Variants in RBPMS observed in about 807,000 individuals in gnomAD.
RBPMS encodes RNA-binding protein with multiple splicing.
A neutral mutation model predicts 26.8 loss-of-function variants in RBPMS; 7 were observed. The observed-to-expected ratio is 0.26, with a 90% CI of 0.15 to 0.49. The LOEUF (loss-of-function observed/expected upper bound fraction) is 0.49. RBPMS is among the 20% of genes least tolerant of loss of function. The pLI is 0.98. For missense variants in RBPMS, 186 were observed against 250.0 expected (o/e 0.74, Z 1.73); for synonymous variants, 96 against 93.3 (o/e 1.03, Z -0.17).
chr8:30,496,593 A>G (rs564256875), intron 4 of RBPMS, among the ~76,000 whole-genome samples: 3 of 152,320 alleles, frequency 2.0e-5, no homozygotes, highest in African/African-American at 7.2e-5. Context: ...TTCATGATTT[A>G]TGTTGACAAA....
Position 30,513,046 on chromosome 8 carries a change from C to T in RBPMS, c.397+8610C>T, listed in dbSNP as rs180763392. 2.5e-3 allele frequency among the ~76,000 whole-genome samples: 375 copies of T among 151,446 alleles called. 1 individual carries two copies. The highest frequency in any genetic ancestry group is 4.3e-3 in the Admixed American group (65 of 15,230). ...GGGAAGAGGTGGTAGTGAGGGCACA[C>T]GTCATTATTTCACCCCTTTTTCTTG... On this transcript the variant is annotated intron_variant, in intron 5 of 8. Transcript: ENST00000397323.
At chr8:30,516,328 T>C (rs1264865447) in intron 5 of RBPMS, among the ~76,000 whole-genome samples, 1 of 152,106 alleles carries the variant, frequency 6.6e-6, no homozygotes, top group Non-Finnish European at 1.5e-5. Flanking sequence ...GAGGTTGCAG[T>C]GAGCTGAGAT....
intron 5 of RBPMS, among the ~76,000 whole-genome samples, chr8:30,538,545 C>G: frequency 6.6e-6 from 1 of 152,160 alleles, no homozygotes; most frequent in Non-Finnish European, 1.5e-5. Flanking sequence ...CATGAGGCAC[C>G]GCGCCCGGCA....
At chr8:30,442,707 C>A (rs894968681) in intron 1 of RBPMS, 2 of 152,132 alleles carry the variant, frequency 1.3e-5, no homozygotes, top group East Asian at 3.9e-4. Context: ...CTTCTGGTTG[C>A]GCGGCCCACA....
chr8:30,457,583 CTTTTTTTTTTTT>C (rs77253053), intron 1 of RBPMS, among the ~76,000 whole-genome samples: 3 of 132,874 alleles, frequency 2.3e-5, no homozygotes, highest in East Asian at 4.6e-4. Context: ...GATTTACATT[CTTTTTTTTTTTT>C]TTTTTTTTTT....
At chr8:30,412,779 A>G (rs1442896119) in intron 1 of RBPMS, among the ~76,000 whole-genome samples, 2 of 152,206 alleles carry the variant, frequency 1.3e-5, no homozygotes, top group African/African-American at 2.4e-5. Context: ...CATATTCAAT[A>G]GAGAGGTCTA....
chr8:30,505,862 A>G (rs1384997619), intron 5 of RBPMS, among the ~76,000 whole-genome samples: 2 of 152,232 alleles, frequency 1.3e-5, no homozygotes, highest in African/African-American at 4.8e-5. Flanking sequence ...CAAGGCATCA[A>G]AAAAGAGTAT....
chr8:30,557,570 C>T (rs538264160), intron 6 of RBPMS, among the ~76,000 whole-genome samples: 1 of 152,222 alleles, frequency 6.6e-6, no homozygotes, highest in Non-Finnish European at 1.5e-5. Flanking sequence ...CCCAGACCCC[C>T]CTGCACCTCC....
intron 4 of RBPMS, among the ~76,000 whole-genome samples, chr8:30,487,557 GA>G (rs141495352): frequency 0.23 from 35,614 of 151,890 alleles, 4,631 homozygotes; most frequent in East Asian, 0.41. Flanking sequence ...GCTTTTTATA[GA>G]CATTTAATAA....
chr8:30,499,442 G>T (rs1820325192), intron 4 of RBPMS, among the ~76,000 whole-genome samples: 1 of 152,044 alleles, frequency 6.6e-6, no homozygotes, highest in East Asian at 1.9e-4. Context: ...CTTAAAAAGG[G>T]AAAACAGCAT....
chr8:30,525,804 C>T (rs989583009), intron 5 of RBPMS, among the ~76,000 whole-genome samples: 1 of 152,200 alleles, frequency 6.6e-6, no homozygotes. Flanking sequence ...GTAGAGCTCT[C>T]TGCAGGTTGC....
chr8:30,549,889 C>T (rs1278747084), intron 6 of RBPMS, among the ~76,000 whole-genome samples: 30 of 149,818 alleles, frequency 2.0e-4, no homozygotes, highest in Non-Finnish European at 2.2e-4. Context: ...CTCGCTCTGT[C>T]GCCCAGGCTG....
intron 6 of RBPMS, chr8:30,556,371 C>G: frequency 1.0e-6 from 1 of 985,628 alleles, no homozygotes; most frequent in South Asian, 4.7e-5. Flanking sequence ...CCTGCAGGCA[C>G]CTGTGCGAGT....
chr8:30,516,278 A>C (rs913075236), intron 5 of RBPMS, among the ~76,000 whole-genome samples: 3 of 152,178 alleles, frequency 2.0e-5, no homozygotes, highest in African/African-American at 7.2e-5. Context: ...CCAGCTCCTC[A>C]GGAAGCTGAG....
At chr8:30,525,094 A>G (rs78433617) in intron 5 of RBPMS, among the ~76,000 whole-genome samples, 1 of 152,180 alleles carries the variant, frequency 6.6e-6, no homozygotes, top group Non-Finnish European at 1.5e-5. Flanking sequence ...TAAAATAGCA[A>G]TTTAACTTGA....
At chr8:30,452,045 G>C (rs1323557107) in intron 1 of RBPMS, among the ~76,000 whole-genome samples, 1 of 152,176 alleles carries the variant, frequency 6.6e-6, no homozygotes, top group Non-Finnish European at 1.5e-5. Context: ...TCTGTCAAGT[G>C]CTTTGTCCTC....
chr8:30,556,885 C>G (rs975299611), intron 6 of RBPMS: 22 of 451,474 alleles, frequency 4.9e-5, no homozygotes, highest in Non-Finnish European at 6.4e-5. Context: ...CCTACCTCAC[C>G]CCCATCTTCC....
chr8:30,476,667 C>T (rs940116429), intron 2 of RBPMS, among the ~76,000 whole-genome samples: 8 of 152,148 alleles, frequency 5.3e-5, no homozygotes, highest in African/African-American at 1.9e-4. Flanking sequence ...AATTAAAGTC[C>T]CTGGAGGCTG....
chr8:30,476,990 C>T (rs139404080), intron 2 of RBPMS, among the ~76,000 whole-genome samples: 1 of 152,266 alleles, frequency 6.6e-6, no homozygotes, highest in African/African-American at 2.4e-5. Context: ...AGTAACTCAA[C>T]AAAATTCAAC....
Sources: allele counts gnomAD v4.1 joint callset (sites outside exome capture counted in the v4.1 genomes callset), GRCh38; gene constraint gnomAD v4.1.1; transcripts MANE v1.5; gene names NCBI Gene and HGNC (gene_info 2026-07-23, HGNC 2026-07-21).